The following SNAPC4 variants were observed in gnomAD, a reference collection of about 807,000 sequenced individuals.
SNAPC4 encodes snRNA-activating protein complex subunit 4.
A neutral mutation model predicts 151.3 loss-of-function variants in SNAPC4; 127 were observed. The ratio of observed to expected loss-of-function variants is 0.84; its 90% CI spans 0.73 to 0.97. The LOEUF (loss-of-function observed/expected upper bound fraction) is 0.97, where lower values mean the gene tolerates loss of function less well. SNAPC4 is among the 50% of genes least tolerant of loss of function. SNAPC4 has a pLI of 0.00. For synonymous variants in SNAPC4, 1,002 were observed against 824.4 expected (o/e 1.22, Z -3.69); for missense variants, 2,186 against 1,935.0 (o/e 1.13, Z -2.43).
chr9:136,381,722 C>A (rs1182200848), intron 18 of SNAPC4, 102 bp downstream of exon 18: 2 of 1,447,710 alleles, frequency 1.4e-6, no homozygotes, highest in Non-Finnish European at 1.9e-6. Context: ...GACTCCCCTG[C>A]TGAGGCCACT....
chr9:136,378,422 CTGCCA>C lies in SNAPC4; in HGVS notation c.3400_3404del (p.Trp1134AlafsTer51). On this transcript the variant is annotated frameshift_variant, in exon 22 of 24. Transcript: ENST00000684778. LOFTEE classifies it high-confidence loss of function. ...GTTCCCTGTTCATATTGGCTGGGGG[CTGCCA>C]AGAGCTGCTCAACGCTGGGGCCCTG... 6.3e-7 allele frequency: 1 copy of C among 1,597,504 alleles called. No individual in the cohort carries two copies. Among genetic ancestry groups the C allele is most frequent in the South Asian group, 1.1e-5 (1 of 90,114 alleles).
chr9:136,391,073 A>G (rs1432442576), intron 10 of SNAPC4, among the ~76,000 whole-genome samples: 1 of 152,126 alleles, frequency 6.6e-6, no homozygotes, highest in Non-Finnish European at 1.5e-5. Flanking sequence ...ACCTCAGGTG[A>G]TCCGCCAGCC....
rs760510953 is a variant in SNAPC4 at position 136,391,964 on chromosome 9, T to A, written c.953A>T (p.Gln318Leu). ...IAAAHGHLEW[Q>L]KIAEELGTSR... The stretch of plus-strand genomic sequence containing the variant: ...TACCCCCAGCTCCTCTGCAATCTTC[T>A]GCCACTCCAGGTGGCCGTGTGCAGC... The change falls in exon 10 of 24, where the codon CAG becomes CTG. Residue 318 changes from glutamine (Q) to leucine (L), a missense_variant. Transcript: ENST00000684778. 13 of 1,605,128 alleles carry A rather than the reference T, an allele frequency of 8.1e-6. No individual in the cohort carries two copies. The South Asian group carries it at 1.4e-4, about 18-fold the overall frequency.
Position 136,382,275 on chromosome 9 carries a change from G to A in SNAPC4, c.2045C>T (p.Thr682Met), listed in dbSNP as rs1352962509. 6 of 1,612,916 alleles carry A rather than the reference G, an allele frequency of 3.7e-6. No homozygotes were observed. Among genetic ancestry groups the A allele is most frequent in the Admixed American group, 3.3e-5 (2 of 60,006 alleles). Residue 682 changes from threonine to methionine, a missense_variant, in exon 17 of 24, where the codon ACG becomes ATG. Transcript: ENST00000684778. ...ETVLRVLRAN[T>M]AARSCTQKEQ... The stretch of plus-strand genomic sequence containing the variant: ...CACCTGTGTGCAGCTCCGAGCAGCC[G>A]TGTTGGCCCTGAGCACCCTCAGCAC...
chr9:136,381,580 T>C (rs556654440), intron 18 of SNAPC4, among the ~76,000 whole-genome samples, 188 bp from the exon 19 acceptor site: 58 of 152,146 alleles, frequency 3.8e-4, no homozygotes, highest in African/African-American at 1.3e-3. Context: ...CTGTGAGCCC[T>C]GTCACCACCA....
Position 136,383,619 on chromosome 9 carries a change from C to G in SNAPC4, c.1550G>C (p.Arg517Pro). ...GCCGCTGCTGCTGGTAGAGCTCCAC[C>G]GGACGCTGTGACGGGCCCTCCGCCG... ...RRRRRARHSV[R>P]WSSTSSSGSS... The change falls in exon 16 of 24, where the codon CGG (arginine) becomes CCG (proline). Residue 517 changes from arginine to proline, a missense_variant. Coordinates refer to ENST00000684778, the MANE Select transcript of SNAPC4 (RefSeq NM_003086.4). This position sits in a 1 kb window ranked among gnomAD's most constrained non-coding sequence, Gnocchi z 4.2. 6.2e-7 allele frequency: 1 copy of G among 1,611,692 alleles called. No individual in the cohort carries two copies. The highest frequency in any genetic ancestry group is 1.1e-5 in the South Asian group (1 of 90,992).
intron 10 of SNAPC4, 40 bp from the exon 11 acceptor site, chr9:136,388,631 C>G (rs7045151): frequency 2.5e-6 from 4 of 1,611,846 alleles, no homozygotes; most frequent in Non-Finnish European, 3.4e-6. Context: ...TGTTACTGCG[C>G]GGCAGGATGT....
intron 6 of SNAPC4, 38 bp downstream of exon 6, chr9:136,394,762 A>C: frequency 6.3e-7 from 1 of 1,592,696 alleles, no homozygotes. Context: ...GAGGTGTCCC[A>C]AGCTCAGGGG....
intron 13 of SNAPC4, among the ~76,000 whole-genome samples, chr9:136,385,801 G>A (rs1358044455): frequency 2.0e-5 from 3 of 151,962 alleles, no homozygotes; most frequent in South Asian, 2.1e-4. Flanking sequence ...TGATCTGTCC[G>A]CCTTGGCCTC....
Position 136,394,791 on chromosome 9 carries a change from G to C in SNAPC4, c.550+9C>G. The C allele has an allele frequency of 6.2e-7, 1 of 1,613,320 alleles. No individual in the cohort carries two copies. ...TCAGGGGTGCCGCAGGGCCGGCCAGGGCTCTTACATTTGGTCACAAGGAGC... is the reference window on the plus strand; with the variant it reads ...TCAGGGGTGCCGCAGGGCCGGCCAGCGCTCTTACATTTGGTCACAAGGAGC... On this transcript the variant is annotated intron_variant, in intron 6 of 23. Transcript: ENST00000684778.
chr9:136,395,848 G>A lies in SNAPC4; in HGVS notation c.178-78C>T, dbSNP rs942206066. 24 of 1,434,670 alleles carry A rather than the reference G, an allele frequency of 1.7e-5. No homozygotes were observed. In the East Asian group the frequency reaches 2.5e-4, roughly 15 times the overall value. 88.9% of individuals were successfully genotyped at this position (1,434,670 alleles called of 1,614,324 possible). ...TGTCCTCGGCAGCCAGTCGCCCATC[G>A]CTGGGCCTCTGGGACACCGAGGCAG... On this transcript the variant is annotated intron_variant, in intron 3 of 23. Transcript: ENST00000684778.
chr9:136,399,218 T>A (rs1834371717), intron 1 of SNAPC4, among the ~76,000 whole-genome samples: 2 of 152,080 alleles, frequency 1.3e-5, no homozygotes, highest in Non-Finnish European at 2.9e-5. Context: ...CCCTCCCCCG[T>A]CCTTGGCGTG....
chr9:136,378,950 C>G lies in SNAPC4; in HGVS notation c.2877G>C (p.Ala959=), dbSNP rs3812567. 2 of 1,608,556 alleles carry G rather than the reference C, an allele frequency of 1.2e-6. No homozygotes were observed. Among genetic ancestry groups the G allele is most frequent in the East Asian group, 4.5e-5 (2 of 44,730 alleles). Residue 959 remains alanine (A), a synonymous_variant, in exon 22 of 24, where the codon GCG becomes GCC. Coordinates refer to ENST00000684778, the MANE Select transcript of SNAPC4 (RefSeq NM_003086.4). ...NVPLSGPGAP[A]AAKPGTSGSW... ...AGCCAGAAGTGCCAGGTTTGGCTGC[C>G]GCGGGGGCCCCAGGCCCAGAGAGCG...
At chr9:136,380,892 G>A (rs2131463573) in intron 19 of SNAPC4, 42 bp from the exon 20 acceptor site, 5 of 1,207,196 alleles carry the variant, frequency 4.1e-6, no homozygotes, top group Non-Finnish European at 6.1e-6. Flanking sequence ...CTGCTTTCGG[G>A]AGCAGCTCCG....
At chr9:136,387,604 G>T in intron 12 of SNAPC4, 25 bp from the exon 13 acceptor site, 1 of 1,563,708 alleles carries the variant, frequency 6.4e-7, no homozygotes, top group Non-Finnish European at 8.8e-7. Context: ...AGGCAGACAA[G>T]TGAAGCCTCT....
At chr9:136,376,250 G>T in intron 23 of SNAPC4, 99 bp downstream of exon 23, 1 of 1,426,780 alleles carries the variant, frequency 7.0e-7, no homozygotes, top group Non-Finnish European at 9.6e-7. Flanking sequence ...CACCTGCTGT[G>T]AGCGCCAAAG....
In SNAPC4 at chr9:136,379,881, G is replaced by A. The variant is rs751066394; in HGVS notation, c.2500-17C>T. 1.9e-6 allele frequency: 3 copies of A among 1,611,522 alleles called. No homozygotes were observed. The East Asian group carries it at 6.7e-5, about 36-fold the overall frequency. ...TGAGGATGCCTGGAAATGAAAGAGAGGAGAGTCAGCAGCTCAGGTGTCCTC... is the reference window on the plus strand; with the variant it reads ...TGAGGATGCCTGGAAATGAAAGAGAAGAGAGTCAGCAGCTCAGGTGTCCTC... On this transcript the variant is annotated splice_polypyrimidine_tract_variant and intron_variant, in intron 20 of 23. Coordinates refer to ENST00000684778, the MANE Select transcript of SNAPC4 (RefSeq NM_003086.4).
chr9:136,377,531 C>T lies in SNAPC4; in HGVS notation c.4284+12G>A, dbSNP rs199809118. 42 of 1,501,928 alleles carry T rather than the reference C, an allele frequency of 2.8e-5. No homozygotes were observed. Among genetic ancestry groups the T allele is most frequent in the Non-Finnish European group, 3.5e-5 (39 of 1,125,118 alleles). 93.0% of individuals were successfully genotyped at this position (1,501,928 alleles called of 1,614,324 possible). A position where few individuals can be genotyped will look rare whatever the true frequency, so the allele number is the denominator to read the frequency against. ...CCTGCCATGGGGAAGTGGGGCTGGGCGCCCACCCTACCTGAATGGGGCATG... is the reference window on the plus strand; with the variant it reads ...CCTGCCATGGGGAAGTGGGGCTGGGTGCCCACCCTACCTGAATGGGGCATG... On this transcript the variant is annotated intron_variant, in intron 22 of 23. Transcript: ENST00000684778.
At chr9:136,389,198 C>CA (rs1329845175) in intron 10 of SNAPC4, among the ~76,000 whole-genome samples, 1 of 152,234 alleles carries the variant, frequency 6.6e-6, no homozygotes, top group Non-Finnish European at 1.5e-5. Flanking sequence ...TTTCCTCACT[C>CA]ATCTTCTCAA....
Sources: allele counts gnomAD v4.1 joint callset (sites outside exome capture counted in the v4.1 genomes callset), GRCh38; gene constraint gnomAD v4.1.1; non-coding constraint Gnocchi (gnomAD v3.1); transcripts MANE v1.5; gene names NCBI Gene and HGNC (gene_info 2026-07-23, HGNC 2026-07-21).